The following RYR2 variants were observed in gnomAD, a reference collection of about 807,000 sequenced individuals.
RYR2 encodes ryanodine receptor 2, also known as cardiac muscle ryanodine receptor-calcium release channel.
Under a neutral mutation model 601.1 loss-of-function variants are expected in RYR2, and 227 were observed. The ratio of observed to expected loss-of-function variants is 0.38; its 90% CI spans 0.34 to 0.42. The LOEUF (loss-of-function observed/expected upper bound fraction) is 0.42. Among genes scored for constraint, RYR2 ranks in the 10% least tolerant of loss-of-function variants. RYR2 has a pLI of 1.00. For missense variants in RYR2, 4,646 were observed against 6,156.5 expected (o/e 0.75, Z 8.21); for synonymous variants, 2,223 against 2,175.1 (o/e 1.02, Z -0.61).
At chr1:237,550,144 A>T (rs1393893527) in intron 26 of RYR2, among the ~76,000 whole-genome samples, 4 of 152,186 alleles carry the variant, frequency 2.6e-5, no homozygotes, top group Non-Finnish European at 5.9e-5. Flanking sequence ...TAAGTTCTTC[A>T]TTGCCTGAAA....
At chr1:237,677,708 C>T (rs1459532494) in intron 60 of RYR2, among the ~76,000 whole-genome samples, 1 of 152,114 alleles carries the variant, frequency 6.6e-6, no homozygotes, top group Non-Finnish European at 1.5e-5. Context: ...CAGTGAGCTT[C>T]TTTTCTTAAA....
chr1:237,398,242 G>A (rs977329394), intron 10 of RYR2, among the ~76,000 whole-genome samples: 2 of 152,032 alleles, frequency 1.3e-5, no homozygotes, highest in Admixed American at 1.3e-4. Flanking sequence ...TGGGGGGCTT[G>A]GTATCTTATT....
At chr1:237,724,096 A>T (rs78086466) in intron 74 of RYR2, among the ~76,000 whole-genome samples, 1,776 of 151,058 alleles carry the variant, frequency 0.012, 17 homozygotes, top group Admixed American at 0.02. Context: ...ACTGTTGATG[A>T]CTTGGTTATT....
intron 1 of RYR2, among the ~76,000 whole-genome samples, chr1:237,199,658 C>A (rs1680961327): frequency 6.6e-6 from 1 of 152,176 alleles, no homozygotes; most frequent in African/African-American, 2.4e-5. Flanking sequence ...AGCAACAATA[C>A]TTTGCATCCT....
At chr1:237,061,219 A>G (rs1239963120) in intron 1 of RYR2, among the ~76,000 whole-genome samples, 1 of 142,906 alleles carries the variant, frequency 7.0e-6, no homozygotes, top group African/African-American at 2.6e-5. Flanking sequence ...TGTTCTATCT[A>G]TCTATCTATC....
At chr1:237,768,478 A>T (rs1199683725) in intron 84 of RYR2, among the ~76,000 whole-genome samples, 1 of 152,312 alleles carries the variant, frequency 6.6e-6, no homozygotes, top group Admixed American at 6.5e-5. Flanking sequence ...CAGTATTAAA[A>T]ATCTTAAGCC....
chr1:237,077,676 G>A (rs1325318482), intron 1 of RYR2, among the ~76,000 whole-genome samples: 2 of 148,456 alleles, frequency 1.3e-5, no homozygotes, highest in Non-Finnish European at 1.5e-5. Flanking sequence ...CATTAATAAT[G>A]GGAGACTTTA....
At chr1:237,071,265 C>T (rs1219810891) in intron 1 of RYR2, among the ~76,000 whole-genome samples, 1 of 152,000 alleles carries the variant, frequency 6.6e-6, no homozygotes, top group African/African-American at 2.4e-5. Context: ...CTCTTGTCCC[C>T]CAGGCTGGAG....
intron 62 of RYR2, among the ~76,000 whole-genome samples, chr1:237,680,894 C>G (rs187101021): frequency 4.0e-4 from 61 of 152,304 alleles, no homozygotes; most frequent in Non-Finnish European, 7.9e-4. Flanking sequence ...GTACTTTTGA[C>G]ATTAGTTTCT....
intron 1 of RYR2, among the ~76,000 whole-genome samples, chr1:237,225,310 C>T (rs767109235): frequency 2.9e-4 from 44 of 152,070 alleles, no homozygotes; most frequent in East Asian, 1.2e-3. Context: ...TCCGTTTTCG[C>T]GCTGCTCATA....
At chr1:237,389,265 TG>T (rs1337838935) in intron 10 of RYR2, among the ~76,000 whole-genome samples, 2 of 152,152 alleles carry the variant, frequency 1.3e-5, no homozygotes, top group African/African-American at 2.4e-5. Context: ...ACTAGAGAGA[TG>T]TCAAGCATAT....
chr1:237,406,395 G>T (rs1024777385), intron 10 of RYR2, among the ~76,000 whole-genome samples: 1 of 150,928 alleles, frequency 6.6e-6, no homozygotes, highest in Non-Finnish European at 1.5e-5. Flanking sequence ...GAATATGAAT[G>T]GTAAACAATT....
chr1:237,421,841 T>G (rs1026552012), intron 11 of RYR2, among the ~76,000 whole-genome samples: 20 of 152,190 alleles, frequency 1.3e-4, no homozygotes, highest in Non-Finnish European at 2.4e-4. Context: ...TTTACAACAT[T>G]CATTATTTTT....
At chr1:237,440,831 T>G (rs1707834957) in intron 12 of RYR2, among the ~76,000 whole-genome samples, 1 of 152,158 alleles carries the variant, frequency 6.6e-6, no homozygotes, top group Non-Finnish European at 1.5e-5. Flanking sequence ...CTTAATTTTT[T>G]TTTGATCCTA....
At chr1:237,319,080 A>C (rs554837147) in intron 2 of RYR2, among the ~76,000 whole-genome samples, 1 of 152,224 alleles carries the variant, frequency 6.6e-6, no homozygotes, top group East Asian at 1.9e-4. Context: ...TCAATCTGCA[A>C]TTGAACCTCT....
intron 1 of RYR2, among the ~76,000 whole-genome samples, chr1:237,228,688 A>T (rs1159970927): frequency 6.6e-6 from 1 of 152,112 alleles, no homozygotes; most frequent in Non-Finnish European, 1.5e-5. Context: ...CTTCTGTATG[A>T]CCTTGAGCAA....
chr1:237,786,236 G>A (rs1573943934), intron 91 of RYR2, among the ~76,000 whole-genome samples, 200 bp downstream of exon 91: 2 of 152,144 alleles, frequency 1.3e-5, no homozygotes, highest in Admixed American at 1.3e-4. Flanking sequence ...CGCCCCCGGG[G>A]CTGCCAGTCT....
chr1:237,826,808 C>G (rs1484285563), intron 101 of RYR2, among the ~76,000 whole-genome samples: 1 of 152,072 alleles, frequency 6.6e-6, no homozygotes, highest in African/African-American at 2.4e-5. Flanking sequence ...GAGAATGGTG[C>G]TCTTATTTTA....
intron 17 of RYR2, among the ~76,000 whole-genome samples, chr1:237,490,195 C>A (rs138740512): frequency 1.3e-5 from 2 of 152,084 alleles, no homozygotes; most frequent in Admixed American, 6.5e-5. Flanking sequence ...GAAGGGGGAT[C>A]GAACAAGGGT....
Sources: allele counts gnomAD v4.1 joint callset (sites outside exome capture counted in the v4.1 genomes callset), GRCh38; gene constraint gnomAD v4.1.1; transcripts MANE v1.5; gene names NCBI Gene and HGNC (gene_info 2026-07-23, HGNC 2026-07-21).